The following UBE3C variants were observed in gnomAD, a reference collection of about 807,000 sequenced individuals.
UBE3C encodes the protein ubiquitin-protein ligase E3C.
In UBE3C, 42 loss-of-function variants were observed where a neutral mutation model predicts 129.4. That is an observed-to-expected ratio of 0.32 (90% CI 0.25 to 0.42). UBE3C has a LOEUF of 0.42. Among genes scored for constraint, UBE3C ranks in the 10% least tolerant of loss-of-function variants. UBE3C has a pLI of 1.00. For missense variants in UBE3C, 1,049 were observed against 1,319.1 expected (o/e 0.80, Z 3.17); for synonymous variants, 510 against 492.4 (o/e 1.04, Z -0.47).
chr7:157,223,554 T>C (rs983191978), intron 16 of UBE3C, among the ~76,000 whole-genome samples: 1 of 85,032 alleles, frequency 1.2e-5, no homozygotes, highest in African/African-American at 5.1e-5. Flanking sequence ...ATTTTCTTAG[T>C]TACAACTGAT....
chr7:157,225,826 C>T (rs1421676004), intron 17 of UBE3C, among the ~76,000 whole-genome samples: 2 of 152,074 alleles, frequency 1.3e-5, no homozygotes, highest in Non-Finnish European at 2.9e-5. Context: ...TAGCGTGCCC[C>T]TGTTGTCCCT....
intron 4 of UBE3C, among the ~76,000 whole-genome samples, chr7:157,173,432 GC>G (rs1422789302): frequency 2.0e-5 from 3 of 152,278 alleles, no homozygotes; most frequent in Non-Finnish European, 4.4e-5. Flanking sequence ...AATGTCTCCT[GC>G]CCCAGTCTTC....
rs138755499 is a variant in UBE3C at position 157,219,166 on chromosome 7, G to C, written c.1915-1523G>C. The stretch of plus-strand genomic sequence containing the variant: ...TGTCTAGGGTCTGCTGGTCTGAGAT[G>C]GTGTGTTGGCCTCCCAGGAGAGGAG... On this transcript the variant is annotated intron_variant, in intron 14 of 22. Transcript: ENST00000348165. 9.2e-4 allele frequency among the ~76,000 whole-genome samples: 140 copies of C among 152,272 alleles called. 4 individuals carry two copies. In the East Asian group the frequency reaches 0.026, roughly 28 times the overall value.
At chr7:157,231,469 A>T (rs538145837) in intron 18 of UBE3C, 142 bp downstream of exon 18, 1 of 1,281,108 alleles carries the variant, frequency 7.8e-7, no homozygotes, top group African/African-American at 1.5e-5. Context: ...GCACTGCACG[A>T]AACAAATTTG....
chr7:157,203,181 A>C (rs945559320), intron 11 of UBE3C, among the ~76,000 whole-genome samples: 1 of 152,226 alleles, frequency 6.6e-6, no homozygotes, highest in African/African-American at 2.4e-5. Context: ...CAATATTATT[A>C]CTTCAAATTT....
chr7:157,152,138 G>C (rs1156501965), intron 1 of UBE3C, among the ~76,000 whole-genome samples: 1 of 152,150 alleles, frequency 6.6e-6, no homozygotes, highest in Non-Finnish European at 1.5e-5. Flanking sequence ...GTTGTGGCCA[G>C]AATGGGGGTG....
intron 18 of UBE3C, among the ~76,000 whole-genome samples, chr7:157,246,118 A>G (rs1796469985): frequency 6.6e-6 from 1 of 152,038 alleles, no homozygotes; most frequent in Non-Finnish European, 1.5e-5. Context: ...CATTTTCTCC[A>G]GTCGTATCAG....
At chr7:157,223,413 C>A in intron 16 of UBE3C, 62 bp downstream of exon 16, 2 of 1,397,654 alleles carry the variant, frequency 1.4e-6, no homozygotes, top group South Asian at 1.4e-5. Flanking sequence ...AATTAACACA[C>A]ACCCACCAGA....
At chr7:157,240,833 AGG>A (rs1370379104) in intron 18 of UBE3C, among the ~76,000 whole-genome samples, 2 of 152,212 alleles carry the variant, frequency 1.3e-5, no homozygotes, top group Non-Finnish European at 2.9e-5. Context: ...ACAGAGCTGA[AGG>A]AACTGGTAGC....
chr7:157,213,169 A>G (rs6979947), intron 13 of UBE3C, among the ~76,000 whole-genome samples: 63,065 of 152,184 alleles, frequency 0.41, 16,056 homozygotes, highest in African/African-American at 0.72. Flanking sequence ...GAGGCACAAG[A>G]GTTAACACAT....
At chr7:157,182,369 G>A (rs767382969) in intron 8 of UBE3C, 41 bp downstream of exon 8, 1 of 1,592,262 alleles carries the variant, frequency 6.3e-7, no homozygotes, top group South Asian at 1.1e-5. Flanking sequence ...CACACATATG[G>A]GTAGCATTGG....
In UBE3C at chr7:157,220,754, C is replaced by A. The variant is rs1375459423; in HGVS notation, c.1980C>A (p.Gly660=). 2 of 1,613,960 alleles carry A rather than the reference C, an allele frequency of 1.2e-6. No individual in the cohort carries two copies. Among genetic ancestry groups the A allele is most frequent in the Non-Finnish European group, 1.7e-6 (2 of 1,179,980 alleles). The change falls in exon 15 of 23, where the codon GGC becomes GGA. Residue 660 remains glycine (G), a synonymous_variant. Coordinates refer to ENST00000348165, the MANE Select transcript of UBE3C (RefSeq NM_014671.3). ...GGTTCCGGCGGATGGGGAGGATAGG[C>A]CCGCTGCAGTCCACCCTGGACGGTG... ...VWRFRRMGRI[G]PLQSTLDVGL... is the part of the protein sequence containing the mutation.
chr7:157,258,355 G>GT lies in UBE3C; in HGVS notation c.3081+1314dup, dbSNP rs1369296898. On this transcript the variant is annotated intron_variant, in intron 22 of 22. Transcript: ENST00000348165. Reference sequence around the variant, plus strand: ...GTAGGAGGATTAGTTGAGCCCAGGAGTTTAAGACCAACCTGGGCAATGTAG... The same window carrying GT: ...GTAGGAGGATTAGTTGAGCCCAGGAGTTTTAAGACCAACCTGGGCAATGTAG... Among the ~76,000 whole-genome samples, 6 of 152,342 alleles carry GT rather than the reference G, an allele frequency of 3.9e-5. No individual in the cohort carries two copies. In the East Asian group the frequency reaches 1.2e-3, roughly 29 times the overall value.
Position 157,168,700 on chromosome 7 carries a change from A to G in UBE3C, c.121-348A>G, listed in dbSNP as rs142995458. ...CTAAGTGAAGAAAACCAGACACAGC[A>G]TATTGTATGATTCCATTATATGAAG... On this transcript the variant is annotated intron_variant, in intron 2 of 22. Coordinates refer to ENST00000348165, the MANE Select transcript of UBE3C (RefSeq NM_014671.3). Among the ~76,000 whole-genome samples the G allele has an allele frequency of 3.3e-5, 5 of 152,374 alleles. No individual in the cohort carries two copies. In the East Asian group the frequency reaches 7.7e-4, roughly 23 times the overall value.
intron 11 of UBE3C, among the ~76,000 whole-genome samples, chr7:157,206,058 G>T (rs1809424343): frequency 6.6e-6 from 1 of 152,204 alleles, no homozygotes; most frequent in African/African-American, 2.4e-5. Context: ...TATTTGGGGA[G>T]ATAAGAGAGT....
intron 13 of UBE3C, among the ~76,000 whole-genome samples, chr7:157,208,263 A>G (rs1469529852): frequency 6.6e-6 from 1 of 151,554 alleles, no homozygotes; most frequent in Non-Finnish European, 1.5e-5. Context: ...TTTTGTAGAG[A>G]CAGAGTCTCA....
rs1035164642 is a variant in UBE3C at position 157,268,308 on chromosome 7, A to G, written c.*553A>G. The G allele has an allele frequency of 3.3e-5, 5 of 152,314 alleles. No individual in the cohort carries two copies. The highest frequency in any genetic ancestry group is 1.5e-5 in the Non-Finnish European group (1 of 68,000). 9.4% of individuals were successfully genotyped at this position (152,314 alleles called of 1,614,324 possible). On this transcript the variant is annotated 3_prime_UTR_variant, in exon 23 of 23. Coordinates refer to ENST00000348165, the MANE Select transcript of UBE3C (RefSeq NM_014671.3). ...AAAGAGATGATGATGGTAATATTTT[A>G]TTTGTGCTTTTTAAGCCATTTCCCC...
intron 18 of UBE3C, among the ~76,000 whole-genome samples, chr7:157,243,172 C>T (rs1360862494): frequency 1.3e-5 from 2 of 152,196 alleles, no homozygotes; most frequent in Non-Finnish European, 2.9e-5. Context: ...CTCCACGGTC[C>T]CCATCCCCCA....
chr7:157,162,739 A>G (rs1808106098), intron 1 of UBE3C, among the ~76,000 whole-genome samples: 1 of 150,410 alleles, frequency 6.6e-6, no homozygotes, highest in Admixed American at 6.6e-5. Flanking sequence ...CAGGGTCTCA[A>G]ACTCCTGTGC....
Sources: allele counts gnomAD v4.1 joint callset (sites outside exome capture counted in the v4.1 genomes callset), GRCh38; gene constraint gnomAD v4.1.1; transcripts MANE v1.5; gene names NCBI Gene and HGNC (gene_info 2026-07-23, HGNC 2026-07-21).